Variants in SRGAP2 observed in about 807,000 individuals in gnomAD.
The protein encoded by SRGAP2 is SLIT-ROBO Rho GTPase-activating protein 2.
A neutral mutation model predicts 57.2 loss-of-function variants in SRGAP2; 15 were observed. The ratio of observed to expected loss-of-function variants is 0.26; its 90% CI spans 0.18 to 0.40. The LOEUF is 0.40. Ranked by LOEUF, SRGAP2 falls within the 10% of genes least tolerant of loss-of-function variation. The pLI is 1.00. For missense variants in SRGAP2, 520 were observed against 669.6 expected (o/e 0.78, Z 2.47); for synonymous variants, 249 against 248.0 (o/e 1.00, Z -0.04).
chr1:206,409,552 C>T lies in SRGAP2; in HGVS notation c.1356+2978C>T, dbSNP rs868986196. Among the ~76,000 whole-genome samples the T allele has an allele frequency of 9.7e-4, 148 of 152,186 alleles. 1 individual carries two copies. Among genetic ancestry groups the T allele is most frequent in the Middle Eastern group, 3.4e-3 (1 of 294 alleles). ...ATCCCAGCGCTGTGGGAGCCTGAAG[C>T]GGGTGGGTCTCTTGAGGCCAGGAGT... On this transcript the variant is annotated intron_variant, in intron 10 of 22. Transcript: ENST00000573034.
chr1:206,262,619 GA>G (rs1333192052), intron 2 of SRGAP2, among the ~76,000 whole-genome samples: 2 of 145,432 alleles, frequency 1.4e-5, no homozygotes, highest in Admixed American at 1.4e-4. Flanking sequence ...GACTGGTGGA[GA>G]TTAAAAAAAA....
At chr1:206,307,580 G>A (rs1207034894) in intron 3 of SRGAP2, among the ~76,000 whole-genome samples, 1 of 152,246 alleles carries the variant, frequency 6.6e-6, no homozygotes, top group East Asian at 1.9e-4. Flanking sequence ...GCGGGCTGCA[G>A]GTCCCGAGCC....
intron 3 of SRGAP2, among the ~76,000 whole-genome samples, chr1:206,341,922 C>A (rs143587398): frequency 0.025 from 3,753 of 152,016 alleles, 151 homozygotes; most frequent in African/African-American, 0.087. Flanking sequence ...CTCTTGAACG[C>A]GGGAGGCGGA....
intron 2 of SRGAP2, among the ~76,000 whole-genome samples, chr1:206,241,117 G>A (rs1553309090): frequency 1.3e-5 from 2 of 152,180 alleles, no homozygotes; most frequent in East Asian, 1.9e-4. Flanking sequence ...CCGGAAGGTC[G>A]AGGCTACGGT....
At chr1:206,443,818 A>G (rs1395265263) in intron 17 of SRGAP2, among the ~76,000 whole-genome samples, 1 of 152,230 alleles carries the variant, frequency 6.6e-6, no homozygotes, top group Non-Finnish European at 1.5e-5. Flanking sequence ...ATGCGCACAT[A>G]TGTGAATTTT....
At chr1:206,455,135 C>T (rs554151535) in intron 21 of SRGAP2, 111 bp downstream of exon 21, 7 of 763,282 alleles carry the variant, frequency 9.2e-6, no homozygotes, top group African/African-American at 1.7e-5. Flanking sequence ...GCTCCCAGCT[C>T]CCCCAGCCTA....
chr1:206,420,867 G>T (rs1660241172), intron 12 of SRGAP2, among the ~76,000 whole-genome samples: 1 of 152,134 alleles, frequency 6.6e-6, no homozygotes, highest in East Asian at 1.9e-4. Flanking sequence ...AGCATCCTTT[G>T]GTGTTTCCCA....
chr1:206,210,306 A>C (rs1173210789), intron 2 of SRGAP2, among the ~76,000 whole-genome samples: 1 of 140,576 alleles, frequency 7.1e-6, no homozygotes, highest in Non-Finnish European at 1.5e-5. Context: ...TGAGATTGAC[A>C]GTTCATGCAA....
At chr1:206,381,150 A>C (rs1655673448) in intron 4 of SRGAP2, among the ~76,000 whole-genome samples, 2 of 152,226 alleles carry the variant, frequency 1.3e-5, no homozygotes, top group African/African-American at 2.4e-5. Flanking sequence ...TAATCAGTAC[A>C]TGAAAGGAAA....
intron 13 of SRGAP2, among the ~76,000 whole-genome samples, chr1:206,426,678 T>A (rs1420755706): frequency 6.6e-6 from 1 of 152,240 alleles, no homozygotes; most frequent in Non-Finnish European, 1.5e-5. Context: ...ATTTTAATTG[T>A]GGTGAGATTA....
At chr1:206,212,125 C>T (rs1666351716) in intron 2 of SRGAP2, among the ~76,000 whole-genome samples, 1 of 152,034 alleles carries the variant, frequency 6.6e-6, no homozygotes, top group African/African-American at 2.4e-5. Context: ...CACCTTTTGC[C>T]TATTTTGAAT....
intron 7 of SRGAP2, among the ~76,000 whole-genome samples, chr1:206,396,026 A>C (rs1408480819): frequency 7.1e-6 from 1 of 140,700 alleles, no homozygotes; most frequent in Non-Finnish European, 1.5e-5. Flanking sequence ...TCTGTCGCCC[A>C]GGCTGGAGTA....
At chr1:206,333,893 G>A (rs1468065698) in intron 3 of SRGAP2, among the ~76,000 whole-genome samples, 1 of 152,112 alleles carries the variant, frequency 6.6e-6, no homozygotes, top group Non-Finnish European at 1.5e-5. Flanking sequence ...TTGCTAATTT[G>A]ATCTACTAAC....
intron 2 of SRGAP2, among the ~76,000 whole-genome samples, chr1:206,222,910 AT>A (rs1382691708): frequency 6.7e-6 from 1 of 149,746 alleles, no homozygotes; most frequent in African/African-American, 2.5e-5. Flanking sequence ...AGTAACTGGG[AT>A]TACAGGTGCG....
chr1:206,290,550 G>C (rs1473694048), intron 2 of SRGAP2, among the ~76,000 whole-genome samples: 1 of 145,896 alleles, frequency 6.9e-6, no homozygotes, highest in Non-Finnish European at 1.5e-5. Flanking sequence ...GCTGAGGCAA[G>C]AGAATTGCTT....
chr1:206,353,736 A>G (rs1200406768), intron 4 of SRGAP2, among the ~76,000 whole-genome samples: 39 of 149,436 alleles, frequency 2.6e-4, no homozygotes, highest in Middle Eastern at 3.4e-3. Context: ...AAAACAACCA[A>G]TTCTTTCTTT....
intron 3 of SRGAP2, chr1:206,312,009 A>C (rs1553324326): frequency 6.6e-6 from 1 of 152,254 alleles, no homozygotes; most frequent in Non-Finnish European, 1.5e-5. Context: ...CTGTATTTTC[A>C]TTCAGTTGGT....
chr1:206,361,500 G>C (rs1383618876), intron 4 of SRGAP2, among the ~76,000 whole-genome samples: 1 of 152,174 alleles, frequency 6.6e-6, no homozygotes, highest in Non-Finnish European at 1.5e-5. Flanking sequence ...CAAAGGATAG[G>C]AAACTGCTTT....
chr1:206,456,185 T>A (rs1315710194), intron 21 of SRGAP2: 3 of 152,198 alleles, frequency 2.0e-5, no homozygotes, highest in Non-Finnish European at 4.4e-5. Context: ...ATCTCTTGGC[T>A]TTTTTCCACC....
Sources: gnomAD v4.1 joint callset for allele counts (sites outside exome capture counted in the v4.1 genomes callset) on GRCh38, gnomAD v4.1.1 for gene constraint, MANE v1.5 for transcripts, NCBI Gene and HGNC (gene_info 2026-07-23, HGNC 2026-07-21) for gene names.